TMEM218: variants seen among roughly 807,000 people sequenced by gnomAD.
TMEM218 encodes transmembrane protein 218.
A neutral mutation model predicts 10.0 loss-of-function variants in TMEM218; 8 were observed. The observed-to-expected ratio is 0.80, with a 90% CI of 0.47 to 1.44. The LOEUF is 1.44. TMEM218 is among the 40% of genes most tolerant of loss of function. The probability of loss-of-function intolerance (pLI) is 0.00; values close to 1 mark genes in which losing one functional copy is unlikely to be tolerated. For missense variants in TMEM218, 110 were observed against 140.1 expected (o/e 0.79, Z 1.08); for synonymous variants, 66 against 63.5 (o/e 1.04, Z -0.18).
rs1949758206 is a variant in TMEM218 at position 125,097,212 on chromosome 11, C to T, written c.*394G>A. ...CCTCTCCTTTGCAAACAACTGCAAC[C>T]TCATAATGAATAATTTTATATATTA... On this transcript the variant is annotated 3_prime_UTR_variant, in exon 5 of 5. Transcript: ENST00000682305. 6 of 154,556 alleles carry T rather than the reference C, an allele frequency of 3.9e-5. No individual in the cohort carries two copies. The highest frequency in any genetic ancestry group is 8.6e-5 in the Non-Finnish European group (6 of 69,714). The allele number at this position is 154,556 out of a possible 1,614,324, so 9.6% of individuals were successfully genotyped here. A position where few individuals can be genotyped will look rare whatever the true frequency, so the allele number is the denominator to read the frequency against.
chr11:125,101,675 C>G (rs1950820436), intron 3 of TMEM218: 1 of 582,422 alleles, frequency 1.7e-6, no homozygotes, highest in Middle Eastern at 4.6e-4. Flanking sequence ...CTAACACTGT[C>G]TTGCCAGAGT....
intron 2 of TMEM218, 141 bp downstream of exon 2, chr11:125,102,593 G>C (rs1204341267): frequency 7.6e-6 from 10 of 1,322,660 alleles, no homozygotes; most frequent in South Asian, 1.2e-5. Flanking sequence ...TCTTCCCCCA[G>C]CCCACGGGAG....
Position 125,095,705 on chromosome 11 carries a change from G to T in TMEM218, c.*1901C>A, listed in dbSNP as rs548932294. Among the ~76,000 whole-genome samples, 3 of 150,916 alleles carry T rather than the reference G, an allele frequency of 2.0e-5. No homozygotes were observed. Among genetic ancestry groups the T allele is most frequent in the Non-Finnish European group, 3.0e-5 (2 of 67,758 alleles). On this transcript the variant is annotated 3_prime_UTR_variant, in exon 5 of 5. Coordinates refer to ENST00000682305, the MANE Select transcript of TMEM218 (RefSeq NM_001258244.2). Reference sequence around the variant, plus strand: ...ACATCAGGCAAAAAAACAAAAATTAGAAAACAGTAGTATTAAGGATAGAAT... The same window carrying T: ...ACATCAGGCAAAAAAACAAAAATTATAAAACAGTAGTATTAAGGATAGAAT...
chr11:125,103,008 A>C, intron 1 of TMEM218, 199 bp from the exon 2 acceptor site: 2 of 238,548 alleles, frequency 8.4e-6, no homozygotes, highest in South Asian at 5.4e-5. Context: ...ATAGAAATTT[A>C]TTTTCTCACA....
chr11:125,102,087 T>C, intron 3 of TMEM218, 45 bp downstream of exon 3: 1 of 1,486,302 alleles, frequency 6.7e-7, no homozygotes, highest in Non-Finnish European at 8.9e-7. Context: ...CGATTTTGCC[T>C]CTAATTGCTT....
chr11:125,102,546 T>C (rs1009340760), intron 2 of TMEM218, 188 bp downstream of exon 2: 7 of 1,396,238 alleles, frequency 5.0e-6, no homozygotes, highest in Non-Finnish European at 6.6e-6. Flanking sequence ...TTCTGAGTGT[T>C]TCCTTTCAAA....
Position 125,100,651 on chromosome 11 carries a change from A to G in TMEM218, c.213+550T>C, listed in dbSNP as rs555682415. 2.6e-5 allele frequency among the ~76,000 whole-genome samples: 4 copies of G among 152,318 alleles called. No individual in the cohort carries two copies. In the South Asian group the frequency reaches 8.3e-4, roughly 32 times the overall value. On this transcript the variant is annotated intron_variant, in intron 4 of 4. Coordinates refer to ENST00000682305, the MANE Select transcript of TMEM218 (RefSeq NM_001258244.2). ...AAGGATTCTGAGAGAGATGATAAAA[A>G]TCCATTTAAAGACATGGGTGCTGGC...
chr11:125,102,585 T>C (rs1306858263), intron 2 of TMEM218, 149 bp downstream of exon 2: 2 of 1,329,262 alleles, frequency 1.5e-6, no homozygotes, highest in African/African-American at 3.0e-5. Flanking sequence ...CTTTGACCTC[T>C]TCCCCCAGCC....
At chr11:125,106,053 G>T (rs889296462) in intron 1 of TMEM218, among the ~76,000 whole-genome samples, 1 of 151,890 alleles carries the variant, frequency 6.6e-6, no homozygotes, top group African/African-American at 2.4e-5. Context: ...ATATTAACAA[G>T]ACAAAAACCA....
At chr11:125,105,241 T>C (rs1951834334) in intron 1 of TMEM218, among the ~76,000 whole-genome samples, 1 of 152,190 alleles carries the variant, frequency 6.6e-6, no homozygotes, top group African/African-American at 2.4e-5. Flanking sequence ...CGATGTGATA[T>C]GGGAATCCCA....
rs897452184 is a variant in TMEM218 at position 125,108,134 on chromosome 11, G to C, written c.-153+3405C>G. Reference sequence around the variant, plus strand: ...CAAAACAATTTTGAGAACTAGGATGGCAACTTGCCTTTCTTGTTACCAACT... The same window carrying C: ...CAAAACAATTTTGAGAACTAGGATGCCAACTTGCCTTTCTTGTTACCAACT... On this transcript the variant is annotated intron_variant, in intron 1 of 4. Transcript: ENST00000682305. The surrounding 1 kb of genome is among the most constrained non-coding windows in gnomAD (Gnocchi z 5.3). Among the ~76,000 whole-genome samples, 5 of 152,114 alleles carry C rather than the reference G, an allele frequency of 3.3e-5. No individual in the cohort carries two copies. The highest frequency in any genetic ancestry group is 7.4e-5 in the Non-Finnish European group (5 of 68,012).
chr11:125,101,095 A>G, intron 4 of TMEM218, 106 bp downstream of exon 4: 1 of 882,888 alleles, frequency 1.1e-6, no homozygotes, highest in South Asian at 1.8e-5. Flanking sequence ...CAATTCTGAC[A>G]TCTCAGGCAA....
In TMEM218 at chr11:125,095,164, G is replaced by A. The variant is rs986260782; in HGVS notation, c.*2442C>T. Among the ~76,000 whole-genome samples, 4 of 152,144 alleles carry A rather than the reference G, an allele frequency of 2.6e-5. No individual in the cohort carries two copies. Among genetic ancestry groups the A allele is most frequent in the Admixed American group, 6.6e-5 (1 of 15,266 alleles). ...TCAGGATACAATTTTAAGACGCCAC[G>A]AAATAACCTATTTTCTTATATAGAA... On this transcript the variant is annotated 3_prime_UTR_variant, in exon 5 of 5. Transcript: ENST00000682305.
At chr11:125,111,048 A>C (rs2136013300) in intron 1 of TMEM218, among the ~76,000 whole-genome samples, 1 of 152,286 alleles carries the variant, frequency 6.6e-6, no homozygotes, top group South Asian at 2.1e-4. Context: ...AAAAAGGAGG[A>C]TCAGTAAACC....
Position 125,108,550 on chromosome 11 carries a change from G to A in TMEM218, c.-153+2989C>T, listed in dbSNP as rs1205125602. On this transcript the variant is annotated intron_variant, in intron 1 of 4. Transcript: ENST00000682305. The surrounding 1 kb of genome is among the most constrained non-coding windows in gnomAD (Gnocchi z 5.3). The stretch of plus-strand genomic sequence containing the variant: ...CACCATGAATGCAAAAGCTTCAAAT[G>A]CAGACTATGCAGGTGTGTTGTTCTG... 6.6e-6 allele frequency among the ~76,000 whole-genome samples: 1 copy of A among 152,198 alleles called. No individual in the cohort carries two copies. The highest frequency in any genetic ancestry group is 1.5e-5 in the Non-Finnish European group (1 of 68,016).
intron 4 of TMEM218, among the ~76,000 whole-genome samples, chr11:125,099,368 G>T (rs186773021): frequency 5.3e-5 from 8 of 152,302 alleles, no homozygotes; most frequent in Non-Finnish European, 7.4e-5. Context: ...GAAGGCCCAG[G>T]CCATGTATTA....
chr11:125,101,249 C>T lies in TMEM218; in HGVS notation c.165G>A (p.Leu55=). 1.2e-6 allele frequency: 2 copies of T among 1,613,740 alleles called. No homozygotes were observed. The highest frequency in any genetic ancestry group is 1.7e-6 in the Non-Finnish European group (2 of 1,179,828). Residue 55 remains leucine (L), a synonymous_variant, in exon 4 of 5, where the codon TTG becomes TTA. Transcript: ENST00000682305. ...GGAATTCACCAGCTCGCGGGAAAAG[C>T]AACAGAACTGATGTGATGATCACAG... The part of the protein sequence containing the change: ...FGAVIITSVL[L]LFPRAGEFPA...
intron 1 of TMEM218, chr11:125,110,862 G>GGGGGGGGGCT (rs1953753890): frequency 8.7e-6 from 1 of 115,150 alleles, no homozygotes. Flanking sequence ...GGGGGGGGGG[G>GGGGGGGGGCT]TTACTTTCAC....
chr11:125,107,799 G>A (rs55966409), intron 1 of TMEM218, among the ~76,000 whole-genome samples: 39,033 of 81,928 alleles, frequency 0.48, 6,144 homozygotes, highest in African/African-American at 0.56. Context: ...GGATATGTGT[G>A]TATATATATA....
Sources: allele counts gnomAD v4.1 joint callset (sites outside exome capture counted in the v4.1 genomes callset), GRCh38; gene constraint gnomAD v4.1.1; non-coding constraint Gnocchi (gnomAD v3.1); transcripts MANE v1.5; gene names NCBI Gene and HGNC (gene_info 2026-07-23, HGNC 2026-07-21).